ZNF732: variants seen among roughly 807,000 people sequenced by gnomAD.
The protein encoded by ZNF732 is zinc finger protein 732.
In ZNF732, 12 loss-of-function variants were observed where a neutral mutation model predicts 11.5. That is an observed-to-expected ratio of 1.05 (90% CI 0.67 to 1.70). The LOEUF (loss-of-function observed/expected upper bound fraction) is 1.70, where lower values mean the gene tolerates loss of function less well. ZNF732 is among the 40% of genes most tolerant of loss of function. The pLI is 0.00. For missense variants in ZNF732, 702 were observed against 676.9 expected (o/e 1.04, Z -0.41); for synonymous variants, 231 against 236.5 (o/e 0.98, Z 0.21).
At chr4:280,198 A>C (rs547107933) in intron 3 of ZNF732, among the ~76,000 whole-genome samples, 1 of 151,784 alleles carries the variant, frequency 6.6e-6, no homozygotes, top group South Asian at 2.1e-4. Context: ...ATGTATCATA[A>C]AAACAATCCT....
rs1303965103 is a variant in ZNF732 at position 272,204 on chromosome 4, G to A, written c.653C>T (p.Thr218Ile). ...LIFNEYEIIH[T>I]GEKPFTCEEC... ...TTCACATGTGAAGGGTTTCTCTCCAGTATGAATTATCTCATATTCATTAAA... is the reference window on the plus strand; with the variant it reads ...TTCACATGTGAAGGGTTTCTCTCCAATATGAATTATCTCATATTCATTAAA... The change falls in exon 4 of 4, where the codon ACT becomes ATT. Residue 218 changes from threonine (T) to isoleucine (I), a missense_variant. Transcript: ENST00000419098. 6.2e-7 allele frequency: 1 copy of A among 1,612,776 alleles called. No homozygotes were observed. Among genetic ancestry groups the A allele is most frequent in the African/African-American group, 1.3e-5 (1 of 74,816 alleles).
intron 1 of ZNF732, among the ~76,000 whole-genome samples, chr4:304,463 ACAT>A (rs1270652432): frequency 1.3e-5 from 2 of 152,156 alleles, no homozygotes; most frequent in Non-Finnish European, 2.9e-5. Context: ...AGTTTGCTCA[ACAT>A]CAGTCAATGC....
intron 3 of ZNF732, among the ~76,000 whole-genome samples, chr4:279,906 T>C (rs782337074): frequency 3.3e-5 from 5 of 152,188 alleles, no homozygotes; most frequent in Non-Finnish European, 5.9e-5. Flanking sequence ...GGTAGGGGCA[T>C]TATTTACACA....
chr4:299,437 A>ATATATATATACACACATATGTG (rs1560165205), intron 1 of ZNF732, among the ~76,000 whole-genome samples: 8 of 11,914 alleles, frequency 6.7e-4, no homozygotes, highest in Non-Finnish European at 9.5e-4. Flanking sequence ...ACATATGTGT[A>ATATATATATACACACATATGTG]TATATATATA....
At position 287,587 on chromosome 4, in the gene ZNF732, T is replaced by C. The variant is rs372221093; in HGVS notation, c.226+7851A>G. ...GTCAAATGACAATACTACCCAGTGATATTCAAATTCAATGTAATCCTGATG... is the reference window on the plus strand; with the variant it reads ...GTCAAATGACAATACTACCCAGTGACATTCAAATTCAATGTAATCCTGATG... On this transcript the variant is annotated intron_variant, in intron 3 of 3. Coordinates refer to ENST00000419098, the MANE Select transcript of ZNF732 (RefSeq NM_001137608.3). 8.5e-5 allele frequency among the ~76,000 whole-genome samples: 13 copies of C among 152,214 alleles called. No homozygotes were observed. The South Asian group carries it at 2.7e-3, about 32-fold the overall frequency.
At chr4:304,882 A>G (rs577508653) in intron 1 of ZNF732, among the ~76,000 whole-genome samples, 49 of 152,256 alleles carry the variant, frequency 3.2e-4, no homozygotes, top group Non-Finnish European at 5.1e-4. Context: ...CCCAAACCAC[A>G]AGCCATGCCC....
rs556239664 is a variant in ZNF732 at position 299,582 on chromosome 4, A to G, written c.4-3427T>C. Among the ~76,000 whole-genome samples the G allele has an allele frequency of 7.2e-5, 10 of 138,870 alleles. No homozygotes were observed. The East Asian group carries it at 1.8e-3, about 25-fold the overall frequency. The allele number at this position is 138,870 out of a possible 152,430, so 91.1% of individuals were successfully genotyped here. A position where few individuals can be genotyped will look rare whatever the true frequency, so the allele number is the denominator to read the frequency against. On this transcript the variant is annotated intron_variant, in intron 1 of 3. Transcript: ENST00000419098. The stretch of plus-strand genomic sequence containing the variant: ...ATATATAGTTTTATATATATAATTT[A>G]TATATAAATATATATTTATAAATTA...
At chr4:297,292 CAT>C (rs1285571599) in intron 1 of ZNF732, among the ~76,000 whole-genome samples, 2 of 151,204 alleles carry the variant, frequency 1.3e-5, no homozygotes, top group African/African-American at 2.4e-5. Context: ...CAAAAAACAA[CAT>C]GTGCGCCTGC....
chr4:302,477 A>G (rs782148213), intron 1 of ZNF732, among the ~76,000 whole-genome samples: 181 of 152,152 alleles, frequency 1.2e-3, no homozygotes, highest in Non-Finnish European at 2.2e-3. Flanking sequence ...TAATCTGAGA[A>G]CTCATCTGGG....
chr4:272,704 C>T, intron 3 of ZNF732, 74 bp from the exon 4 acceptor site: 1 of 1,316,708 alleles, frequency 7.6e-7, no homozygotes, highest in Non-Finnish European at 1.0e-6. Flanking sequence ...AATATATAAA[C>T]TTATACAAAG....
chr4:291,174 CA>C (rs1719837158), intron 3 of ZNF732, among the ~76,000 whole-genome samples: 1 of 152,122 alleles, frequency 6.6e-6, no homozygotes, highest in Admixed American at 6.5e-5. Context: ...AGTGGAATAA[CA>C]AAAACTGAAC....
In ZNF732 at chr4:272,575, C is replaced by T. The variant is rs781919880; in HGVS notation, c.282G>A (p.Ser94=). 42 of 1,587,482 alleles carry T rather than the reference C, an allele frequency of 2.6e-5. No homozygotes were observed. The highest frequency in any genetic ancestry group is 7.2e-5 in the Admixed American group (4 of 55,332). The change falls in exon 4 of 4, where the codon TCG becomes TCA. Residue 94 remains serine (S), a synonymous_variant. Coordinates refer to ENST00000419098, the MANE Select transcript of ZNF732 (RefSeq NM_001137608.3). ...ATCTTCTTAATATAAGTTTGTGGAA[C>T]GAATCTTCTATCCCCTGCACTGGCA... The part of the protein sequence containing the change: ...DFLPVQGIED[S]FHKLILRRYE...
chr4:299,388 T>G (rs1249795690), intron 1 of ZNF732, among the ~76,000 whole-genome samples: 1 of 90,774 alleles, frequency 1.1e-5, no homozygotes. Context: ...TATATACACA[T>G]ATGTACACAT....
chr4:275,741 G>A (rs1719480192), intron 3 of ZNF732, among the ~76,000 whole-genome samples: 1 of 151,612 alleles, frequency 6.6e-6, no homozygotes, highest in Non-Finnish European at 1.5e-5. Flanking sequence ...TACTCAGTTT[G>A]TAAAAAGCAA....
intron 1 of ZNF732, among the ~76,000 whole-genome samples, chr4:297,218 A>G (rs1719972197): frequency 6.6e-6 from 1 of 152,144 alleles, no homozygotes; most frequent in South Asian, 2.1e-4. Context: ...CAGTGAGCCA[A>G]GACCATGCCA....
chr4:290,156 A>T (rs370706133), intron 3 of ZNF732, among the ~76,000 whole-genome samples: 1 of 152,214 alleles, frequency 6.6e-6, no homozygotes. Flanking sequence ...CCTACAAAAC[A>T]TAAGTAGAAA....
chr4:291,545 C>T (rs1328606975), intron 3 of ZNF732, among the ~76,000 whole-genome samples: 1 of 151,932 alleles, frequency 6.6e-6, no homozygotes, highest in East Asian at 1.9e-4. Flanking sequence ...TAGTGTATAA[C>T]AATAAATTTA....
At chr4:299,485 ACATATGTGTGTATATATACACACATATAC>A (rs1560165351) in intron 1 of ZNF732, among the ~76,000 whole-genome samples, 1 of 115,682 alleles carries the variant, frequency 8.6e-6, no homozygotes, top group Non-Finnish European at 1.8e-5. Context: ...ACATATATAC[ACATATGTGTGTATATATACACACATATAC>A]GTATATATGT....
intron 1 of ZNF732, among the ~76,000 whole-genome samples, chr4:299,401 GTGTA>G (rs1720038994): frequency 1.5e-4 from 6 of 39,284 alleles, no homozygotes; most frequent in Admixed American, 4.0e-4. Flanking sequence ...GTACACATAT[GTGTA>G]TATATATATA....
Sources: allele counts gnomAD v4.1 joint callset (sites outside exome capture counted in the v4.1 genomes callset), GRCh38; gene constraint gnomAD v4.1.1; transcripts MANE v1.5; gene names NCBI Gene and HGNC (gene_info 2026-07-23, HGNC 2026-07-21).